The following SYCE1 variants were observed in gnomAD, a reference collection of about 807,000 sequenced individuals.
SYCE1 encodes the protein synaptonemal complex central element protein 1, also known as cancer/testis antigen 76.
A neutral mutation model predicts 55.1 loss-of-function variants in SYCE1; 37 were observed. That is an observed-to-expected ratio of 0.67 (90% CI 0.52 to 0.88). The LOEUF (loss-of-function observed/expected upper bound fraction) is 0.88, where lower values mean the gene tolerates loss of function less well. Among genes scored for constraint, SYCE1 ranks in the 40% least tolerant of loss-of-function variants. The pLI, the probability that SYCE1 is intolerant of heterozygous loss-of-function variation, is 0.00. For synonymous variants in SYCE1, 163 were observed against 159.4 expected, an observed-to-expected ratio of 1.02 and a Z score of -0.17; for missense variants, 399 against 416.4, an observed-to-expected ratio of 0.96 and a Z score of 0.36.
chr10:133,567,585 A>C (rs116536101), upstream of SYCE1, among the ~76,000 whole-genome samples: 1,465 of 151,988 alleles, frequency 9.6e-3, 20 homozygotes, highest in African/African-American at 0.034. Context: ...TTCCCCCCAA[A>C]TTCTTAAGTC....
intron 3 of SYCE1, 113 bp downstream of exon 3, chr10:133,559,188 C>CTGTTGT: frequency 8.4e-7 from 1 of 1,184,858 alleles, no homozygotes; most frequent in Admixed American, 1.8e-5. Context: ...TCTGCTGTTG[C>CTGTTGT]TGTTGTGAAT....
At chr10:133,556,412 C>A (rs896611750) in intron 8 of SYCE1, 19 of 521,638 alleles carry the variant, frequency 3.6e-5, no homozygotes, top group African/African-American at 3.2e-4. Context: ...TGAGCCCTTC[C>A]TTCCTGACAC....
Position 133,557,926 on chromosome 10 carries a change from G to A in SYCE1, c.320-8C>T, listed in dbSNP as rs1448320748. ...GGAGGATCCTCAGGGTCTCTGTAGG[G>A]AGAGCAACAGGGCCCTATGAGAACC... On this transcript the variant is annotated splice_region_variant and splice_polypyrimidine_tract_variant and intron_variant, in intron 5 of 12. Transcript: ENST00000343131. 1 of 1,613,982 alleles carries A rather than the reference G, an allele frequency of 6.2e-7. No homozygotes were observed. The highest frequency in any genetic ancestry group is 1.3e-5 in the African/African-American group (1 of 75,032).
At chr10:133,568,118 CTG>C (rs1356751790), upstream of SYCE1, 5 of 765,022 alleles carry the variant, frequency 6.5e-6, no homozygotes, top group African/African-American at 5.1e-5. Context: ...CCCCAGGGCA[CTG>C]AGGGCGCCAC....
chr10:133,568,200 T>C (rs1465004123), upstream of SYCE1: 1 of 1,116,490 alleles, frequency 9.0e-7, no homozygotes, highest in South Asian at 1.3e-5. Context: ...TAGCTGTAGA[T>C]GCCGAGCCGG....
rs12164741 is a variant in SYCE1, at chr10:133,558,340, G to T, written c.272-126C>A. On this transcript the variant is annotated intron_variant, in intron 4 of 12. Coordinates refer to ENST00000343131, the MANE Select transcript of SYCE1 (RefSeq NM_001143764.3). ...CCCAACCCAAATGTGAACCCTTGAG[G>T]TGAGCCCCTCCCTACCCTCTGGTGC... 3,615 of 1,042,172 alleles carry T rather than the reference G, an allele frequency of 3.5e-3. No homozygotes were observed. In the African/African-American group the frequency reaches 0.048, roughly 14 times the overall value. 64.6% of individuals were successfully genotyped at this position (1,042,172 alleles called of 1,614,324 possible).
chr10:133,558,646 T>C (rs1851746277), intron 4 of SYCE1: 1 of 560,598 alleles, frequency 1.8e-6, no homozygotes. Context: ...ACCTGTATTA[T>C]CTGAGGAAGC....
Position 133,557,885 on chromosome 10 carries a change from T to C in SYCE1, c.353A>G (p.Glu118Gly), listed in dbSNP as rs1851726515. ...TTACCTGTGTGCCTCACTTTCCTTT[T>C]CCTGGCAATGCAGCCGGAGGATCCT... ...TLRILRLHCQEKESEAHRKHT... is the reference protein window; with the variant it reads ...TLRILRLHCQGKESEAHRKHT... The change falls in exon 6 of 13, where the codon GAA becomes GGA. Residue 118 changes from glutamate to glycine, a missense_variant. Coordinates refer to ENST00000343131, the MANE Select transcript of SYCE1 (RefSeq NM_001143764.3). The C allele has an allele frequency of 6.2e-7, 1 of 1,614,122 alleles. No homozygotes were observed. The highest frequency in any genetic ancestry group is 8.5e-7 in the Non-Finnish European group (1 of 1,180,026).
At chr10:133,559,558 G>A (rs1851772991) in intron 2 of SYCE1, 198 bp from the exon 3 acceptor site, 2 of 588,792 alleles carry the variant, frequency 3.4e-6, no homozygotes, top group South Asian at 2.0e-5. Context: ...GAATGGGGCT[G>A]CGGTAACCGT....
At chr10:133,559,608 C>A in intron 2 of SYCE1, 1 of 510,352 alleles carries the variant, frequency 2.0e-6, no homozygotes. Flanking sequence ...GGCTAAAGAG[C>A]AAAGGAGTGG....
chr10:133,561,059 T>C (rs529213704), intron 1 of SYCE1: 1 of 152,324 alleles, frequency 6.6e-6, no homozygotes, highest in East Asian at 1.9e-4. Context: ...ATGTTCATCT[T>C]ACATATGTTG....
At chr10:133,557,761 G>C in intron 6 of SYCE1, 103 bp downstream of exon 6, 1 of 1,325,714 alleles carries the variant, frequency 7.5e-7, no homozygotes. Context: ...TTGTTTAGAG[G>C]GAAACAATGA....
At chr10:133,564,299 C>A (rs1851878116) in intron 1 of SYCE1, 2 of 785,930 alleles carry the variant, frequency 2.5e-6, no homozygotes, top group South Asian at 5.9e-5. Flanking sequence ...CGCTGAATTG[C>A]ACCTTGATCT....
At chr10:133,554,244 G>A (rs371834865), downstream of SYCE1, 198 of 1,586,078 alleles carry the variant, frequency 1.2e-4, no homozygotes, top group Non-Finnish European at 1.6e-4. Flanking sequence ...ACTTTGCCAT[G>A]TTCCATTTTT....
chr10:133,560,523 G>A (rs1352939555), intron 1 of SYCE1: 1 of 162,250 alleles, frequency 6.2e-6, no homozygotes, highest in African/African-American at 2.4e-5. Flanking sequence ...GAAGTTCTTA[G>A]AGAGTTTTCT....
At chr10:133,554,720 G>A (rs1393375137), downstream of SYCE1, 10 of 856,246 alleles carry the variant, frequency 1.2e-5, no homozygotes, top group Non-Finnish European at 1.9e-5. Flanking sequence ...CAAGGTATGT[G>A]TATGTGTGTA....
At chr10:133,554,355 A>T (rs570109395), downstream of SYCE1, 20 of 1,610,434 alleles carry the variant, frequency 1.2e-5, no homozygotes, top group African/African-American at 2.7e-5. Context: ...TCGCTTTGTC[A>T]TTACTTCAAT....
chr10:133,554,216 T>C, downstream of SYCE1: 1 of 1,414,136 alleles, frequency 7.1e-7, no homozygotes, highest in South Asian at 1.2e-5. Flanking sequence ...TGTCCTGGAC[T>C]GACTGAAGAA....
At chr10:133,561,460 T>C (rs1207504153) in intron 1 of SYCE1, among the ~76,000 whole-genome samples, 1 of 152,202 alleles carries the variant, frequency 6.6e-6, no homozygotes, top group Non-Finnish European at 1.5e-5. Flanking sequence ...TACTCTTTTT[T>C]TGGAGTTTTT....
Sources: gnomAD v4.1 joint callset for allele counts (sites outside exome capture counted in the v4.1 genomes callset) on GRCh38, gnomAD v4.1.1 for gene constraint, MANE v1.5 for transcripts, NCBI Gene and HGNC (gene_info 2026-07-23, HGNC 2026-07-21) for gene names.